Variants in TGFBI observed in about 807,000 individuals in gnomAD.
TGFBI encodes transforming growth factor beta induced, also known as transforming growth factor-beta-induced protein ig-h3.
A neutral mutation model predicts 73.7 loss-of-function variants in TGFBI; 50 were observed. That is an observed-to-expected ratio of 0.68 (90% CI 0.54 to 0.86). TGFBI has a LOEUF of 0.86. Among genes scored for constraint, TGFBI ranks in the 40% least tolerant of loss-of-function variants. The pLI is 0.00. For missense variants in TGFBI, 839 were observed against 877.0 expected (o/e 0.96, Z 0.55); for synonymous variants, 362 against 360.5 (o/e 1.00, Z -0.05).
In TGFBI at chr5:136,052,023, G is replaced by A. The variant is rs184454190; in HGVS notation, c.914-884G>A. 5.9e-5 allele frequency among the ~76,000 whole-genome samples: 9 copies of A among 152,294 alleles called. No individual in the cohort carries two copies. In the East Asian group the frequency reaches 9.6e-4, roughly 16 times the overall value. ...GTGAGAATATGGGACATAGAGCCTCGGTGACCTTGGTGAGCAGCAGTCCAG... is the reference window on the plus strand; with the variant it reads ...GTGAGAATATGGGACATAGAGCCTCAGTGACCTTGGTGAGCAGCAGTCCAG... On this transcript the variant is annotated intron_variant, in intron 7 of 16. Coordinates refer to ENST00000442011, the MANE Select transcript of TGFBI (RefSeq NM_000358.3).
In TGFBI at chr5:136,049,464, A is replaced by G; in HGVS notation, c.797A>G (p.Asn266Ser). The stretch of plus-strand genomic sequence containing the variant: ...GCTGCTGTGGCTGCATCAGGGCTCA[A>G]CACGATGCTTGAAGGTAACGGCCAG... ...LRAAVAASGL[N>S]TMLEGNGQYT... Residue 266 changes from asparagine to serine, a missense_variant, in exon 7 of 17, where the codon AAC becomes AGC. By Grantham distance (46) the Asn-to-Ser change is conservative. Transcript: ENST00000442011. 6.2e-7 allele frequency: 1 copy of G among 1,613,992 alleles called. No homozygotes were observed. The highest frequency in any genetic ancestry group is 8.5e-7 in the Non-Finnish European group (1 of 1,179,874).
intron 3 of TGFBI, 53 bp from the exon 4 acceptor site, chr5:136,046,282 G>A (rs1561609733): frequency 1.2e-6 from 2 of 1,604,438 alleles, no homozygotes; most frequent in Non-Finnish European, 1.7e-6. Flanking sequence ...GGGAGGGTGT[G>A]GTTGGGCTGG....
chr5:136,050,334 GAAA>G (rs10706409), intron 7 of TGFBI, among the ~76,000 whole-genome samples: 107 of 131,470 alleles, frequency 8.1e-4, no homozygotes, highest in African/African-American at 2.7e-3. Context: ...TCCGTCTCAA[GAAA>G]AAAAAAAAAA....
Position 136,033,788 on chromosome 5 carries a change from G to C in TGFBI, c.160G>C (p.Val54Leu). 6.2e-7 allele frequency: 1 copy of C among 1,613,990 alleles called. No homozygotes were observed. The highest frequency in any genetic ancestry group is 8.5e-7 in the Non-Finnish European group (1 of 1,179,884). ...HGPNVCAVQK[V>L]IGTNRKYFTN... The stretch of plus-strand genomic sequence containing the variant: ...CCCCAACGTGTGTGCTGTGCAGAAG[G>C]TTATTGGCACTAATAGGAAGTACTT... Residue 54 changes from valine to leucine, a missense_variant, in exon 2 of 17, where the codon GTT becomes CTT. By Grantham distance (32) the Val-to-Leu change is conservative (BLOSUM62 1). Transcript: ENST00000442011.
chr5:136,034,839 T>G (rs1266581268), intron 2 of TGFBI, among the ~76,000 whole-genome samples: 7 of 152,226 alleles, frequency 4.6e-5, no homozygotes, highest in African/African-American at 1.2e-4. Flanking sequence ...ACCTTCCTCC[T>G]GTCTCCATAC....
chr5:136,051,468 A>C (rs1030986649), intron 7 of TGFBI, among the ~76,000 whole-genome samples: 1 of 151,586 alleles, frequency 6.6e-6, no homozygotes, highest in South Asian at 2.1e-4. Flanking sequence ...AACAAAAAAA[A>C]CTCCTTATTA....
intron 2 of TGFBI, among the ~76,000 whole-genome samples, chr5:136,041,923 G>A (rs1479124088): frequency 1.3e-5 from 2 of 152,226 alleles, no homozygotes; most frequent in Admixed American, 6.5e-5. Flanking sequence ...TAGAAAAAGA[G>A]TCTTTGGCCA....
chr5:136,052,222 G>A lies in TGFBI; in HGVS notation c.914-685G>A, dbSNP rs117961224. ...GCCCTGCCCCCTAAAGTAGCACTTG[G>A]ATAAGCAAATAAATTATTATACTTA... On this transcript the variant is annotated intron_variant, in intron 7 of 16. Coordinates refer to ENST00000442011, the MANE Select transcript of TGFBI (RefSeq NM_000358.3). Among the ~76,000 whole-genome samples, 272 of 152,366 alleles carry A rather than the reference G, an allele frequency of 1.8e-3. 3 individuals carry two copies. The highest frequency in any genetic ancestry group is 0.015 in the East Asian group (77 of 5,182).
chr5:136,049,457 G>A lies in TGFBI; in HGVS notation c.790G>A (p.Gly264Arg), dbSNP rs953933874. The A allele has an allele frequency of 1.2e-6, 2 of 1,613,964 alleles. No individual in the cohort carries two copies. Among genetic ancestry groups the A allele is most frequent in the Non-Finnish European group, 8.5e-7 (1 of 1,179,866 alleles). The change falls in exon 7 of 17, where the codon GGG becomes AGG. Residue 264 changes from glycine (G) to arginine (R), a missense_variant. By Grantham distance (125) the Gly-to-Arg change is moderately radical (BLOSUM62 -2). Coordinates refer to ENST00000442011, the MANE Select transcript of TGFBI (RefSeq NM_000358.3). ...CCCACAGGCTGCTGTGGCTGCATCAGGGCTCAACACGATGCTTGAAGGTAA... is the reference window on the plus strand; with the variant it reads ...CCCACAGGCTGCTGTGGCTGCATCAAGGCTCAACACGATGCTTGAAGGTAA... ...ETLRAAVAAS[G>R]LNTMLEGNGQ...
chr5:136,047,535 G>A lies in TGFBI; in HGVS notation c.771+115G>A, dbSNP rs1040990027. The A allele has an allele frequency of 6.9e-6, 9 of 1,301,614 alleles. No homozygotes were observed. The African/African-American group carries it at 1.2e-4, about 17-fold the overall frequency. 80.6% of individuals were successfully genotyped at this position (1,301,614 alleles called of 1,614,324 possible). ...AGGATGGCTCCTGTAGGGGAACATA[G>A]AGCAGGTTCCCCTGAATGCCCTTGA... On this transcript the variant is annotated intron_variant, in intron 6 of 16. Transcript: ENST00000442011.
chr5:136,054,589 A>G (rs1751592824), intron 9 of TGFBI, 127 bp from the exon 10 acceptor site: 2 of 1,212,780 alleles, frequency 1.6e-6, no homozygotes, highest in Non-Finnish European at 2.4e-6. Context: ...TGGCAGCTTC[A>G]CTTGGTTTCT....
intron 12 of TGFBI, chr5:136,058,867 C>T (rs1751696128): frequency 2.1e-6 from 1 of 474,752 alleles, no homozygotes; most frequent in Non-Finnish European, 3.6e-6. Context: ...ACTGCTGGGG[C>T]AGATTTGTGG....
chr5:136,036,093 T>C (rs1477295341), intron 2 of TGFBI, among the ~76,000 whole-genome samples: 3 of 152,206 alleles, frequency 2.0e-5, no homozygotes, highest in Non-Finnish European at 2.9e-5. Context: ...GTTGCCAAAA[T>C]GTTCCTGATG....
rs973162827 is a variant in TGFBI, at chr5:136,033,826, G to A, written c.198G>A (p.Lys66=). 2 of 1,613,922 alleles carry A rather than the reference G, an allele frequency of 1.2e-6. No homozygotes were observed. The highest frequency in any genetic ancestry group is 8.5e-7 in the Non-Finnish European group (1 of 1,179,860). ...GTNRKYFTNC[K]QWYQRKICGK... ...ATAGGAAGTACTTCACCAACTGCAA[G>A]CAGTGGTACCAAAGGAAAATCTGTG... Residue 66 remains lysine (K), a synonymous_variant, in exon 2 of 17, where the codon AAG becomes AAA. Coordinates refer to ENST00000442011, the MANE Select transcript of TGFBI (RefSeq NM_000358.3).
intron 1 of TGFBI, among the ~76,000 whole-genome samples, chr5:136,030,996 C>T (rs1344861882): frequency 6.6e-6 from 1 of 152,188 alleles, no homozygotes; most frequent in Admixed American, 6.5e-5. Flanking sequence ...TTCTTAAATG[C>T]AGATGCTCTT....
rs2126907712 is a variant in TGFBI at position 136,044,051 on chromosome 5, G to A, written c.234-7G>A. On this transcript the variant is annotated splice_region_variant and splice_polypyrimidine_tract_variant and intron_variant, in intron 2 of 16. Transcript: ENST00000442011. ...GCCTAACACAATGTATGGTTGTCTT[G>A]TTACAGAGTCATCAGCTACGAGTGC... 1 of 1,612,968 alleles carries A rather than the reference G, an allele frequency of 6.2e-7. No homozygotes were observed. The highest frequency in any genetic ancestry group is 2.2e-5 in the East Asian group (1 of 44,838).
intron 3 of TGFBI, 27 bp from the exon 4 acceptor site, chr5:136,046,308 C>T: frequency 6.2e-7 from 1 of 1,613,480 alleles, no homozygotes; most frequent in Non-Finnish European, 8.5e-7. Context: ...CAGAGGCCAT[C>T]CCTCCTTCTG....
At chr5:136,061,756 G>T in intron 15 of TGFBI, 177 bp downstream of exon 15, 1 of 674,276 alleles carries the variant, frequency 1.5e-6, no homozygotes, top group Non-Finnish European at 2.7e-6. Flanking sequence ...TCAGAGTAAA[G>T]AACCAAGGCA....
rs939357060 is a variant in TGFBI at position 136,029,109 on chromosome 5, C to T, written c.54C>T (p.Pro18=). The change falls in exon 1 of 17, where the codon CCC becomes CCT. Residue 18 remains proline, a synonymous_variant. Coordinates refer to ENST00000442011, the MANE Select transcript of TGFBI (RefSeq NM_000358.3). ...TCGCCCTGGCTCTGGCCCTGGGCCC[C>T]GCCGCGACCCTGGCGGGTCCCGCCA... ...LALALALALG[P]AATLAGPAKS... is the part of the protein sequence containing the mutation. 4 of 1,525,712 alleles carry T rather than the reference C, an allele frequency of 2.6e-6. No individual in the cohort carries two copies. In the African/African-American group the frequency reaches 4.2e-5, roughly 16 times the overall value. The allele number at this position is 1,525,712 out of a possible 1,614,324, so 94.5% of individuals were successfully genotyped here.
Sources: allele counts gnomAD v4.1 joint callset (sites outside exome capture counted in the v4.1 genomes callset), GRCh38; gene constraint gnomAD v4.1.1; transcripts MANE v1.5; gene names NCBI Gene and HGNC (gene_info 2026-07-23, HGNC 2026-07-21).